Variants in SUMF1 observed in about 807,000 individuals in gnomAD.
The protein encoded by SUMF1 is sulfatase modifying factor 1.
A neutral mutation model predicts 47.6 loss-of-function variants in SUMF1; 48 were observed. The ratio of observed to expected loss-of-function variants is 1.01; its 90% CI spans 0.80 to 1.28. The LOEUF (loss-of-function observed/expected upper bound fraction) is 1.28. Among genes scored for constraint, SUMF1 ranks in the 50% most tolerant of loss-of-function variants. The pLI is 0.00. For synonymous variants in SUMF1, 230 were observed against 192.1 expected, an observed-to-expected ratio of 1.20 and a Z score of -1.63; for missense variants, 571 against 485.4, an observed-to-expected ratio of 1.18 and a Z score of -1.66.
At chr3:4,267,233 G>T (rs905109807) in intron 8 of SUMF1, among the ~76,000 whole-genome samples, 8 of 152,128 alleles carry the variant, frequency 5.3e-5, no homozygotes, top group Non-Finnish European at 1.2e-4. Flanking sequence ...AATGATGCTG[G>T]CCTCATAAAA....
Position 4,452,952 on chromosome 3 carries a change from G to A in SUMF1, c.368C>T (p.Ala123Val), listed in dbSNP as rs1226255657. The stretch of plus-strand genomic sequence containing the variant: ...GACTTCATAGGCATCCATGTAAAAG[G>A]CATCAATAGTAACTCTCCTCGCAGG... ...EAPARRVTIDAFYMDAYEVSN... is the reference protein window; with the variant it reads ...EAPARRVTIDVFYMDAYEVSN... Residue 123 changes from alanine to valine, a missense_variant, in exon 2 of 9, where the codon GCC becomes GTC. Physicochemically the swap from Ala to Val is moderately conservative, Grantham distance 64. Transcript: ENST00000272902. 1 of 1,613,948 alleles carries A rather than the reference G, an allele frequency of 6.2e-7. No individual in the cohort carries two copies. Among genetic ancestry groups the A allele is most frequent in the East Asian group, 2.2e-5 (1 of 44,886 alleles).
rs564176821 is a variant in SUMF1, at chr3:4,400,512, G to A, written c.954+10353C>T. 5.3e-5 allele frequency among the ~76,000 whole-genome samples: 8 copies of A among 152,240 alleles called. 1 individual carries two copies. In the South Asian group the frequency reaches 1.7e-3, roughly 32 times the overall value. On this transcript the variant is annotated intron_variant, in intron 7 of 8. Coordinates refer to ENST00000272902, the MANE Select transcript of SUMF1 (RefSeq NM_182760.4). ...TGCTCAAAAATGCTATTAAACAAAT[G>A]AAAGAAAAATAACATAATCTGGTCT...
intron 3 of SUMF1, among the ~76,000 whole-genome samples, chr3:4,447,390 C>T (rs1353177152): frequency 6.6e-6 from 1 of 152,070 alleles, no homozygotes; most frequent in Non-Finnish European, 1.5e-5. Flanking sequence ...CTCAAACTTG[C>T]AAGATTCAGG....
rs557261774 is a variant in SUMF1, at chr3:4,102,100, C to T, written c.1015-33355G>A. ...ATGACTCAATTAACTCCCATTGGGT[C>T]CATCCCACGATATGTGGAGATTACG... On this transcript the variant is annotated intron_variant and NMD_transcript_variant, in intron 8 of 12. Coordinates refer to the SUMF1 transcript ENST00000448413. 1.4e-3 allele frequency among the ~76,000 whole-genome samples: 218 copies of T among 152,292 alleles called. 4 individuals carry two copies. Among genetic ancestry groups the T allele is most frequent in the African/African-American group, 4.8e-3 (200 of 41,540 alleles).
chr3:4,163,383 G>GAA (rs1442407396), intron 8 of SUMF1, among the ~76,000 whole-genome samples: 1,011 of 12,038 alleles, frequency 0.084, 99 homozygotes, highest in African/African-American at 0.24. Context: ...AGGAAGGAAG[G>GAA]GAGGGAGGGA....
At position 4,179,133 on chromosome 3, in the gene SUMF1, G is replaced by A. The variant is rs556869147; in HGVS notation, c.1015-110388C>T. 5.3e-5 allele frequency among the ~76,000 whole-genome samples: 8 copies of A among 152,242 alleles called. No individual in the cohort carries two copies. The South Asian group carries it at 1.7e-3, about 32-fold the overall frequency. On this transcript the variant is annotated intron_variant and NMD_transcript_variant, in intron 8 of 12. Coordinates refer to the SUMF1 transcript ENST00000448413. ...GCCCAAAGTAATTTACAGATTCAGT[G>A]CCATCCCCATCAAGCTACCGCTGAC...
rs557729926 is a variant in SUMF1 at position 4,082,294 on chromosome 3, C to T, written c.1015-13549G>A. On this transcript the variant is annotated intron_variant and NMD_transcript_variant, in intron 8 of 12. Coordinates refer to the SUMF1 transcript ENST00000448413. The stretch of plus-strand genomic sequence containing the variant: ...ACCAGCCTAGGCCACACAGTAAAAC[C>T]CCATCTCTACAAAAAGTACAAAAAA... Among the ~76,000 whole-genome samples, 5 of 151,864 alleles carry T rather than the reference C, an allele frequency of 3.3e-5. No homozygotes were observed. The East Asian group carries it at 9.7e-4, about 29-fold the overall frequency.
chr3:4,418,150 T>C lies in SUMF1; in HGVS notation c.603-18A>G, dbSNP rs1397198887. On this transcript the variant is annotated intron_variant, in intron 4 of 8. Coordinates refer to ENST00000272902, the MANE Select transcript of SUMF1 (RefSeq NM_182760.4). ...GATCCGGCCTGGGGAAGAGCAAAAG[T>C]AGAATGAAAAGTGACACCAATCAGA... 3.1e-6 allele frequency: 5 copies of C among 1,613,806 alleles called. No individual in the cohort carries two copies. The East Asian group carries it at 8.9e-5, about 29-fold the overall frequency.
At chr3:4,123,905 G>A (rs758242598) in intron 8 of SUMF1, among the ~76,000 whole-genome samples, 2 of 152,054 alleles carry the variant, frequency 1.3e-5, no homozygotes, top group African/African-American at 2.4e-5. Context: ...ATGGGGACTC[G>A]ACAATGGCTG....
chr3:4,129,996 A>T (rs1306036164), intron 8 of SUMF1, among the ~76,000 whole-genome samples: 2 of 152,138 alleles, frequency 1.3e-5, no homozygotes, highest in East Asian at 3.9e-4. Flanking sequence ...CAAATGGAAG[A>T]CATTAGAGCT....
intron 8 of SUMF1, among the ~76,000 whole-genome samples, chr3:4,315,762 T>C (rs1698611781): frequency 6.6e-6 from 1 of 152,038 alleles, no homozygotes; most frequent in African/African-American, 2.4e-5. Context: ...TTTTAAAAGA[T>C]GGGGCTGGGT....
At chr3:4,344,792 G>T (rs1051284653) in intron 8 of SUMF1, among the ~76,000 whole-genome samples, 1 of 152,078 alleles carries the variant, frequency 6.6e-6, no homozygotes, top group African/African-American at 2.4e-5. Context: ...TTGATAAGAG[G>T]TTAGAGGAAT....
At chr3:4,063,899 T>C (rs1411389843) in intron 9 of SUMF1, among the ~76,000 whole-genome samples, 1 of 152,172 alleles carries the variant, frequency 6.6e-6, no homozygotes, top group East Asian at 1.9e-4. Flanking sequence ...GATTGGTAGC[T>C]TAGAAATAAT....
At chr3:4,201,687 G>A (rs747012687) in intron 8 of SUMF1, among the ~76,000 whole-genome samples, 4 of 152,028 alleles carry the variant, frequency 2.6e-5, no homozygotes, top group Admixed American at 6.6e-5. Context: ...TCATGTGGTA[G>A]TTCTATTTTT....
chr3:4,066,424 G>C (rs571532312), intron 9 of SUMF1, among the ~76,000 whole-genome samples: 4 of 152,106 alleles, frequency 2.6e-5, no homozygotes, highest in African/African-American at 9.6e-5. Flanking sequence ...TGATGTTTAT[G>C]GTTCTTGAAT....
intron 8 of SUMF1, among the ~76,000 whole-genome samples, chr3:4,370,551 AC>A (rs1220524398): frequency 6.6e-6 from 1 of 152,178 alleles, no homozygotes; most frequent in African/African-American, 2.4e-5. Context: ...CTAGCATATA[AC>A]CACTCAAATG....
At chr3:4,268,338 A>T (rs1475872458) in intron 8 of SUMF1, among the ~76,000 whole-genome samples, 1 of 152,148 alleles carries the variant, frequency 6.6e-6, no homozygotes, top group African/African-American at 2.4e-5. Context: ...ATGCTAGATG[A>T]CAAGTTAGTG....
chr3:4,098,091 A>G (rs927799479), intron 8 of SUMF1, among the ~76,000 whole-genome samples: 4 of 152,116 alleles, frequency 2.6e-5, no homozygotes, highest in Admixed American at 1.3e-4. Flanking sequence ...GGTTGAGACT[A>G]CAAAACTTCC....
intron 9 of SUMF1, among the ~76,000 whole-genome samples, chr3:4,050,797 A>T (rs192897): frequency 6.7e-6 from 1 of 149,696 alleles, no homozygotes. Context: ...AAGAAAAAGA[A>T]AAAGAAAAAT....
Sources: allele counts gnomAD v4.1 joint callset (sites outside exome capture counted in the v4.1 genomes callset), GRCh38; gene constraint gnomAD v4.1.1; transcripts MANE v1.5; gene names NCBI Gene and HGNC (gene_info 2026-07-23, HGNC 2026-07-21).